Variants in EREG observed in about 807,000 individuals in gnomAD.
EREG encodes proepiregulin.
Under a neutral mutation model 22.4 loss-of-function variants are expected in EREG, and 23 were observed. The observed-to-expected ratio is 1.03, with a 90% CI of 0.74 to 1.46. EREG has a LOEUF of 1.46. Among genes scored for constraint, EREG ranks in the 40% most tolerant of loss-of-function variants. The pLI is 0.00. For synonymous variants in EREG, 100 were observed against 75.4 expected, an observed-to-expected ratio of 1.33 and a Z score of -1.69; for missense variants, 226 against 205.9, an observed-to-expected ratio of 1.10 and a Z score of -0.60.
chr4:74,377,752 G>C (rs991295319), intron 1 of EREG, among the ~76,000 whole-genome samples: 1 of 152,236 alleles, frequency 6.6e-6, no homozygotes, highest in East Asian at 1.9e-4. Flanking sequence ...GCAGGAGAGA[G>C]AGGCGGGAAG....
At chr4:74,379,706 A>G (rs929576267) in intron 2 of EREG, among the ~76,000 whole-genome samples, 172 bp downstream of exon 2, 3 of 152,238 alleles carry the variant, frequency 2.0e-5, no homozygotes, top group Non-Finnish European at 4.4e-5. Context: ...ATATAAAGGA[A>G]TAACTGGTAG....
chr4:74,368,858 C>T (rs1445451738), intron 1 of EREG, among the ~76,000 whole-genome samples: 1 of 152,098 alleles, frequency 6.6e-6, no homozygotes, highest in Non-Finnish European at 1.5e-5. Context: ...AAGAGATCCT[C>T]AGGGAGGAGT....
intron 1 of EREG, among the ~76,000 whole-genome samples, chr4:74,369,494 AT>A (rs958669439): frequency 6.6e-6 from 1 of 152,044 alleles, no homozygotes; most frequent in African/African-American, 2.4e-5. Context: ...GCTCCATCCA[AT>A]TTGCTGCGAA....
chr4:74,376,156 C>CT, intron 1 of EREG, among the ~76,000 whole-genome samples: 1 of 152,298 alleles, frequency 6.6e-6, no homozygotes, highest in African/African-American at 2.4e-5. Context: ...AAAAAGAAGA[C>CT]TAACAGCAAC....
At chr4:74,369,431 T>C (rs935693918) in intron 1 of EREG, among the ~76,000 whole-genome samples, 2 of 152,272 alleles carry the variant, frequency 1.3e-5, no homozygotes, top group South Asian at 2.1e-4. Context: ...TGAGAACATA[T>C]GGTTTTTTGG....
At chr4:74,374,421 C>T (rs61684000) in intron 1 of EREG, among the ~76,000 whole-genome samples, 11,482 of 152,104 alleles carry the variant, frequency 0.075, 761 homozygotes, top group African/African-American at 0.18. Flanking sequence ...GCCTGTAATC[C>T]TAGCATTTTT....
intron 1 of EREG, among the ~76,000 whole-genome samples, chr4:74,377,168 A>C (rs1167918756): frequency 2.0e-5 from 3 of 152,118 alleles, no homozygotes; most frequent in Non-Finnish European, 2.9e-5. Flanking sequence ...GAAAAAAAAA[A>C]AAAAAAACAT....
At chr4:74,369,049 T>G (rs1752247538) in intron 1 of EREG, among the ~76,000 whole-genome samples, 1 of 152,196 alleles carries the variant, frequency 6.6e-6, no homozygotes, top group Non-Finnish European at 1.5e-5. Context: ...TAGGATACTA[T>G]TTATAATACT....
At position 74,382,775 on chromosome 4, in the gene EREG, A is replaced by G; in HGVS notation, c.409A>G (p.Thr137Ala). ...GTTTCTTATCACAGTCGTCGGTTCCACATATTATTTCTGCAGATGGTAAGT... is the reference window on the plus strand; with the variant it reads ...GTTTCTTATCACAGTCGTCGGTTCCGCATATTATTTCTGCAGATGGTAAGT... ...ILFLITVVGS[T>A]YYFCRWYRNR... The change falls in exon 4 of 5, where the codon ACA becomes GCA. Residue 137 changes from threonine to alanine, a missense_variant. By Grantham distance (58) the Thr-to-Ala change is moderately conservative. Transcript: ENST00000244869. The G allele has an allele frequency of 6.2e-7, 1 of 1,612,828 alleles. No individual in the cohort carries two copies. The highest frequency in any genetic ancestry group is 8.5e-7 in the Non-Finnish European group (1 of 1,179,544).
chr4:74,373,403 TC>T (rs1348737334), intron 1 of EREG, among the ~76,000 whole-genome samples: 2 of 151,944 alleles, frequency 1.3e-5, no homozygotes, highest in Non-Finnish European at 2.9e-5. Flanking sequence ...TGGCTATTTT[TC>T]AAAACTCAAA....
chr4:74,383,341 A>T (rs1752511496), intron 4 of EREG, among the ~76,000 whole-genome samples: 1 of 152,186 alleles, frequency 6.6e-6, no homozygotes, highest in Non-Finnish European at 1.5e-5. Context: ...TTTATAAAAA[A>T]CAACCTTGTA....
chr4:74,383,502 C>T (rs1014560173), intron 4 of EREG, among the ~76,000 whole-genome samples: 1 of 152,020 alleles, frequency 6.6e-6, no homozygotes, highest in African/African-American at 2.4e-5. Flanking sequence ...ATTATTGTCA[C>T]AAGCTGAAAA....
chr4:74,365,779 G>C (rs377587348), intron 1 of EREG, among the ~76,000 whole-genome samples: 49 of 151,488 alleles, frequency 3.2e-4, no homozygotes, highest in African/African-American at 1.2e-3. Context: ...AGAAACTAGC[G>C]TAAGAAATTT....
chr4:74,367,998 T>C (rs1752215396), intron 1 of EREG, among the ~76,000 whole-genome samples: 1 of 152,208 alleles, frequency 6.6e-6, no homozygotes, highest in Admixed American at 6.5e-5. Flanking sequence ...GTGAGGTAGA[T>C]TTGATTAGCC....
At chr4:74,373,611 T>A (rs2110385267) in intron 1 of EREG, among the ~76,000 whole-genome samples, 1 of 148,546 alleles carries the variant, frequency 6.7e-6, no homozygotes, top group East Asian at 2.0e-4. Flanking sequence ...TATATGTGTG[T>A]ATATATGTGA....
At chr4:74,370,539 T>A (rs192735989) in intron 1 of EREG, among the ~76,000 whole-genome samples, 1 of 152,308 alleles carries the variant, frequency 6.6e-6, no homozygotes, top group East Asian at 1.9e-4. Context: ...TCTAATAAGT[T>A]TTCTTCTCTC....
At chr4:74,384,359 A>T (rs1035525807) in intron 4 of EREG, among the ~76,000 whole-genome samples, 12 of 152,276 alleles carry the variant, frequency 7.9e-5, no homozygotes, top group Admixed American at 2.6e-4. Context: ...ATGTAGCATG[A>T]TTTGTAAATA....
intron 2 of EREG, 100 bp from the exon 3 acceptor site, chr4:74,380,914 C>G: frequency 7.7e-7 from 1 of 1,293,752 alleles, no homozygotes; most frequent in Non-Finnish European, 1.1e-6. Context: ...TGGCATCTGA[C>G]TTGTTGTGTA....
At chr4:74,375,181 C>G (rs532007245) in intron 1 of EREG, among the ~76,000 whole-genome samples, 36 of 151,974 alleles carry the variant, frequency 2.4e-4, no homozygotes, top group African/African-American at 8.0e-4. Flanking sequence ...ATTTGAGGTC[C>G]AATCATAGAG....
Sources: gnomAD v4.1 joint callset for allele counts (sites outside exome capture counted in the v4.1 genomes callset) on GRCh38, gnomAD v4.1.1 for gene constraint, MANE v1.5 for transcripts, NCBI Gene and HGNC (gene_info 2026-07-23, HGNC 2026-07-21) for gene names.